NEK1: variants seen among roughly 807,000 people sequenced by gnomAD.
NEK1 encodes NIMA related kinase 1, also known as serine/threonine-protein kinase Nek1.
Under a neutral mutation model 182.1 loss-of-function variants are expected in NEK1, and 137 were observed. The ratio of observed to expected loss-of-function variants is 0.75; its 90% CI spans 0.65 to 0.87. The LOEUF (loss-of-function observed/expected upper bound fraction) is 0.87, where lower values mean the gene tolerates loss of function less well. Among genes scored for constraint, NEK1 ranks in the 40% least tolerant of loss-of-function variants. The pLI is 0.00. For missense variants in NEK1, 1,391 were observed against 1,494.4 expected, an observed-to-expected ratio of 0.93 and a Z score of 1.14; for synonymous variants, 513 against 492.2, an observed-to-expected ratio of 1.04 and a Z score of -0.56.
In NEK1 at chr4:169,537,885, C is replaced by T; in HGVS notation, c.1589G>A (p.Arg530Lys). The part of the protein sequence containing the change: ...NRQKGQLAVE[R>K]AKQVEEFLQR... ...CAGGAACTCTTCTACTTGTTTAGCT[C>T]TTTCTACAGCTAGCTGCCCTTTTTG... The change falls in exon 19 of 36, where the codon AGA becomes AAA. Residue 530 changes from arginine (R) to lysine (K), a missense_variant. Physicochemically the swap from Arg to Lys is conservative, Grantham distance 26. This residue lies in a region of NEK1 where 1,216 missense variants were observed against 1,277.6 expected (regional missense o/e 0.95). Transcript: ENST00000507142. 6.2e-7 allele frequency: 1 copy of T among 1,605,482 alleles called. No homozygotes were observed. The highest frequency in any genetic ancestry group is 8.5e-7 in the Non-Finnish European group (1 of 1,175,376).
Position 169,401,673 on chromosome 4 carries a change from G to A in NEK1, c.3562C>T (p.Leu1188=), listed in dbSNP as rs184270885. Reference sequence around the variant, plus strand: ...GCACCTGAGTGCCATTCTTCGTTCAGGGCACTTTCACTGCTGGGATTGTCA... The same window carrying A: ...GCACCTGAGTGCCATTCTTCGTTCAAGGCACTTTCACTGCTGGGATTGTCA... The part of the protein sequence containing the change: ...EDDNPSSESA[L]NEEWHSDNSD... The change falls in exon 33 of 36, where the codon CTG becomes TTG. Residue 1188 remains leucine (L), a synonymous_variant. Coordinates refer to ENST00000507142, the MANE Select transcript of NEK1 (RefSeq NM_001199397.3). 3.1e-5 allele frequency: 50 copies of A among 1,613,754 alleles called. No homozygotes were observed. The Admixed American group carries it at 3.7e-4, about 12-fold the overall frequency.
intron 35 of NEK1, among the ~76,000 whole-genome samples, chr4:169,395,521 A>G (rs1730536664): frequency 6.6e-6 from 1 of 152,176 alleles, no homozygotes; most frequent in African/African-American, 2.4e-5. Context: ...CCTCTCCCCT[A>G]GGAAGACCTA....
At position 169,522,177 on chromosome 4, in the gene NEK1, A is replaced by G. The variant is rs574277101; in HGVS notation, c.1666-13325T>C. ...TACTGAGTCTAATCTGTGAATCTTA[A>G]TTTTGATTATTGTGTTTTTCAGTTC... On this transcript the variant is annotated intron_variant, in intron 19 of 35. Coordinates refer to ENST00000507142, the MANE Select transcript of NEK1 (RefSeq NM_001199397.3). Among the ~76,000 whole-genome samples, 9 of 152,222 alleles carry G rather than the reference A, an allele frequency of 5.9e-5. No individual in the cohort carries two copies. The East Asian group carries it at 1.7e-3, about 29-fold the overall frequency.
intron 35 of NEK1, among the ~76,000 whole-genome samples, chr4:169,398,442 A>T (rs1731090056): frequency 1.3e-5 from 2 of 152,166 alleles, no homozygotes; most frequent in African/African-American, 4.8e-5. Flanking sequence ...GATCATGGGA[A>T]AATTGTTCCT....
At chr4:169,401,185 T>C (rs62333149) in intron 33 of NEK1, among the ~76,000 whole-genome samples, 1,659 of 152,316 alleles carry the variant, frequency 0.011, 14 homozygotes, top group Non-Finnish European at 0.017. Flanking sequence ...CCTAAATTAA[T>C]ATCATATAGT....
At chr4:169,497,743 A>C (rs1285901434) in intron 23 of NEK1, among the ~76,000 whole-genome samples, 1 of 152,210 alleles carries the variant, frequency 6.6e-6, no homozygotes, top group African/African-American at 2.4e-5. Flanking sequence ...CCTGAGTTCT[A>C]GTCTGATTGC....
intron 27 of NEK1, among the ~76,000 whole-genome samples, chr4:169,454,215 A>C (rs1293997414): frequency 6.6e-6 from 1 of 152,210 alleles, no homozygotes; most frequent in Non-Finnish European, 1.5e-5. Context: ...TAGACCTAAA[A>C]CCATAGAAAC....
At position 169,406,675 on chromosome 4, in the gene NEK1, C is replaced by A; in HGVS notation, c.3295G>T (p.Asp1099Tyr). Residue 1099 changes from aspartate (D) to tyrosine (Y), a missense_variant, in exon 32 of 36, where the codon GAT (aspartate) becomes TAT (tyrosine). By Grantham distance (160) the Asp-to-Tyr change is radical. This residue lies in a region of NEK1 where 1,216 missense variants were observed against 1,277.6 expected (regional missense o/e 0.95). Coordinates refer to ENST00000507142, the MANE Select transcript of NEK1 (RefSeq NM_001199397.3). ...RTLMDVPTVG[D>Y]VRQDNLEIDE... ...ATTTCAAGATTGTCTTGACGAACAT[C>A]TCCTACGGTGGGAACATCCATAAGG... The A allele has an allele frequency of 1.2e-6, 2 of 1,610,172 alleles. No homozygotes were observed. Among genetic ancestry groups the A allele is most frequent in the South Asian group, 1.1e-5 (1 of 90,412 alleles).
At chr4:169,600,323 G>A (rs757008472) in intron 4 of NEK1, among the ~76,000 whole-genome samples, 15 of 151,964 alleles carry the variant, frequency 9.9e-5, no homozygotes, top group South Asian at 4.1e-4. Context: ...CAGAGTAGGT[G>A]GAACCGCAGG....
At chr4:169,503,123 T>C (rs531500742) in intron 23 of NEK1, among the ~76,000 whole-genome samples, 4 of 152,200 alleles carry the variant, frequency 2.6e-5, no homozygotes, top group Admixed American at 2.0e-4. Context: ...CAATCTCATT[T>C]ACAGTAGCCA....
intron 27 of NEK1, among the ~76,000 whole-genome samples, chr4:169,448,123 T>C (rs190197592): frequency 6.6e-6 from 1 of 151,834 alleles, no homozygotes; most frequent in Non-Finnish European, 1.5e-5. Context: ...CCCAGCTGCT[T>C]GGGAGGCTGA....
At chr4:169,495,964 A>T (rs1240126257) in intron 23 of NEK1, among the ~76,000 whole-genome samples, 2 of 152,124 alleles carry the variant, frequency 1.3e-5, no homozygotes, top group African/African-American at 4.8e-5. Context: ...CTTGATGGGG[A>T]TGGCATTGAA....
In NEK1 at chr4:169,426,234, C is replaced by T. The variant is rs770250819; in HGVS notation, c.2886G>A (p.Gln962=). Residue 962 remains glutamine (Q), a splice_region_variant and synonymous_variant, in exon 30 of 36, where the codon CAG becomes CAA. Coordinates refer to ENST00000507142, the MANE Select transcript of NEK1 (RefSeq NM_001199397.3). ...CCTGAATGGTGATCCTATCTGCCGA[C>T]CTGCCACAGATGGGTACACCAATTA... is the stretch of plus-strand genomic sequence containing the variant. ...ISEEKETKET[Q]SADRITIQEN... is the part of the protein sequence containing the mutation. 8.1e-6 allele frequency: 13 copies of T among 1,612,338 alleles called. No homozygotes were observed. The Admixed American group carries it at 1.2e-4, about 15-fold the overall frequency.
chr4:169,559,186 T>C (rs1580759185), intron 16 of NEK1, among the ~76,000 whole-genome samples: 1 of 152,318 alleles, frequency 6.6e-6, no homozygotes, highest in East Asian at 1.9e-4. Flanking sequence ...TAATACTGTA[T>C]TAGACATCAT....
At chr4:169,495,597 AT>A (rs1190594971) in intron 23 of NEK1, among the ~76,000 whole-genome samples, 14 of 152,132 alleles carry the variant, frequency 9.2e-5, no homozygotes, top group Admixed American at 9.2e-4. Context: ...TAAAGAAGGG[AT>A]CCAGTTTCAG....
At chr4:169,507,683 C>CT (rs750336738) in intron 22 of NEK1, 32 bp downstream of exon 22, 33 of 1,544,708 alleles carry the variant, frequency 2.1e-5, no homozygotes, top group Non-Finnish European at 2.9e-5. Context: ...TCAATTTTCT[C>CT]TAAGAAAACC....
At chr4:169,466,431 C>A (rs1467527506) in intron 26 of NEK1, among the ~76,000 whole-genome samples, 1 of 144,828 alleles carries the variant, frequency 6.9e-6, no homozygotes, top group Non-Finnish European at 1.5e-5. Flanking sequence ...AAAAAAGACA[C>A]AGAGGAATAA....
Position 169,552,844 on chromosome 4 carries a change from C to T in NEK1, c.1562+2876G>A, listed in dbSNP as rs924773281. Reference sequence around the variant, plus strand: ...AAACACATTATCACTTTCATTAGCACCCCCCAACATGTAATACATAGGTTA... The same window carrying T: ...AAACACATTATCACTTTCATTAGCATCCCCCAACATGTAATACATAGGTTA... On this transcript the variant is annotated intron_variant, in intron 18 of 35. Transcript: ENST00000507142. Among the ~76,000 whole-genome samples, 7 of 151,996 alleles carry T rather than the reference C, an allele frequency of 4.6e-5. No individual in the cohort carries two copies. In the South Asian group the frequency reaches 1.5e-3, roughly 32 times the overall value.
At chr4:169,428,351 G>GAGAT (rs71590009) in intron 29 of NEK1, among the ~76,000 whole-genome samples, 9 of 93,222 alleles carry the variant, frequency 9.7e-5, no homozygotes, top group Non-Finnish European at 2.0e-4. Flanking sequence ...AAATATATGG[G>GAGAT]ATATATATAT....
Sources: gnomAD v4.1 joint callset for allele counts (sites outside exome capture counted in the v4.1 genomes callset) on GRCh38, gnomAD v4.1.1 for gene constraint, gnomAD v4.1.1 regional missense constraint, MANE v1.5 for transcripts, NCBI Gene and HGNC (gene_info 2026-07-23, HGNC 2026-07-21) for gene names.